The following EPHA6 variants were observed in gnomAD, a reference collection of about 807,000 sequenced individuals.
EPHA6 encodes ephrin type-A receptor 6.
Under a neutral mutation model 112.0 loss-of-function variants are expected in EPHA6, and 50 were observed. The ratio of observed to expected loss-of-function variants is 0.45; its 90% CI spans 0.36 to 0.56. EPHA6 has a LOEUF of 0.56. Ranked by LOEUF, EPHA6 falls within the 20% of genes least tolerant of loss-of-function variation. The pLI is 0.00. For missense variants in EPHA6, 1,280 were observed against 1,417.4 expected (o/e 0.90, Z 1.56); for synonymous variants, 529 against 490.7 (o/e 1.08, Z -1.03).
At chr3:97,588,572 A>G (rs1400289406) in intron 11 of EPHA6, among the ~76,000 whole-genome samples, 1 of 152,200 alleles carries the variant, frequency 6.6e-6, no homozygotes, top group Non-Finnish European at 1.5e-5. Flanking sequence ...AGGAGTTTGT[A>G]TATGTATGTG....
chr3:97,455,470 G>T (rs745847958), intron 7 of EPHA6, among the ~76,000 whole-genome samples: 1 of 152,018 alleles, frequency 6.6e-6, no homozygotes, highest in African/African-American at 2.4e-5. Context: ...CCAAAATTGA[G>T]TTCCCTTTCT....
intron 14 of EPHA6, among the ~76,000 whole-genome samples, chr3:97,711,157 T>C (rs1305955415): frequency 6.6e-6 from 1 of 152,150 alleles, no homozygotes; most frequent in Non-Finnish European, 1.5e-5. Context: ...TCACAAGATC[T>C]GATGGTTTTA....
intron 3 of EPHA6, among the ~76,000 whole-genome samples, chr3:97,076,113 C>G (rs772566218): frequency 1.3e-5 from 2 of 152,048 alleles, no homozygotes; most frequent in Non-Finnish European, 2.9e-5. Context: ...TGTCACATCT[C>G]TCACTTTAAA....
intron 3 of EPHA6, among the ~76,000 whole-genome samples, chr3:97,219,153 A>G (rs1398665177): frequency 6.6e-6 from 1 of 151,984 alleles, no homozygotes; most frequent in Non-Finnish European, 1.5e-5. Context: ...GCTGGCATTG[A>G]GTGTCTGTGG....
intron 3 of EPHA6, among the ~76,000 whole-genome samples, chr3:97,034,820 C>T (rs73131577): frequency 5.9e-5 from 9 of 152,000 alleles, no homozygotes; most frequent in South Asian, 2.1e-4. Flanking sequence ...ATAGAAATCA[C>T]GGGAGAGGTC....
chr3:97,147,287 T>G lies in EPHA6; in HGVS notation c.1115-78977T>G, dbSNP rs143227905. Among the ~76,000 whole-genome samples the G allele has an allele frequency of 8.7e-4, 133 of 152,242 alleles. 1 individual carries two copies. Among genetic ancestry groups the G allele is most frequent in the African/African-American group, 2.9e-3 (122 of 41,576 alleles). ...ACATCTAATTTTGTATAGTCATGAATGTCGGCCTTTGGAGGCCTTATGGTC... is the reference window on the plus strand; with the variant it reads ...ACATCTAATTTTGTATAGTCATGAAGGTCGGCCTTTGGAGGCCTTATGGTC... On this transcript the variant is annotated intron_variant, in intron 3 of 17. Coordinates refer to ENST00000389672, the MANE Select transcript of EPHA6 (RefSeq NM_001080448.3).
chr3:97,165,024 T>A (rs1461469751), intron 3 of EPHA6, among the ~76,000 whole-genome samples: 4 of 152,176 alleles, frequency 2.6e-5, no homozygotes, highest in Non-Finnish European at 5.9e-5. Context: ...GCTTAATATG[T>A]AAGACCCTCC....
intron 3 of EPHA6, among the ~76,000 whole-genome samples, chr3:97,207,611 G>A (rs1202926747): frequency 1.3e-5 from 2 of 152,026 alleles, no homozygotes; most frequent in African/African-American, 4.8e-5. Context: ...GGTTTGTTTT[G>A]CATAAAACAA....
chr3:97,614,307 G>A (rs528599113), intron 13 of EPHA6, among the ~76,000 whole-genome samples: 6 of 149,098 alleles, frequency 4.0e-5, no homozygotes, highest in Non-Finnish European at 8.9e-5. Context: ...GCAAGATGGT[G>A]TGTTCATGAG....
intron 2 of EPHA6, among the ~76,000 whole-genome samples, chr3:96,869,072 C>G (rs997803249): frequency 2.6e-5 from 4 of 151,988 alleles, no homozygotes; most frequent in Admixed American, 1.3e-4. Context: ...TTCTAAAACA[C>G]TTGCTTATCA....
chr3:97,098,615 A>T (rs989093617), intron 3 of EPHA6, among the ~76,000 whole-genome samples: 1 of 151,934 alleles, frequency 6.6e-6, no homozygotes, highest in African/African-American at 2.4e-5. Flanking sequence ...CTAACTTATG[A>T]TGAAAAAGTA....
chr3:96,971,004 C>T (rs998724167), intron 2 of EPHA6, among the ~76,000 whole-genome samples: 1 of 151,972 alleles, frequency 6.6e-6, no homozygotes, highest in African/African-American at 2.4e-5. Context: ...GAACATAAGA[C>T]AGGGTAATTA....
chr3:97,517,728 C>T (rs562321893), intron 10 of EPHA6, among the ~76,000 whole-genome samples: 15 of 152,136 alleles, frequency 9.9e-5, no homozygotes, highest in African/African-American at 2.6e-4. Context: ...ATACTTTGAT[C>T]AACACCTTCC....
intron 10 of EPHA6, among the ~76,000 whole-genome samples, chr3:97,501,423 A>C (rs1278397082): frequency 6.6e-6 from 1 of 152,086 alleles, no homozygotes; most frequent in Non-Finnish European, 1.5e-5. Flanking sequence ...GTCATAAAGA[A>C]ATTTGTAACA....
intron 6 of EPHA6, among the ~76,000 whole-genome samples, chr3:97,423,072 C>A (rs1577343921): frequency 6.6e-6 from 1 of 152,140 alleles, no homozygotes; most frequent in Non-Finnish European, 1.5e-5. Context: ...AAGCTGGAAG[C>A]CTTTCCCTTG....
intron 5 of EPHA6, among the ~76,000 whole-genome samples, chr3:97,390,541 A>G (rs1169517692): frequency 3.3e-5 from 5 of 151,826 alleles, no homozygotes; most frequent in African/African-American, 1.2e-4. Context: ...ATAATTATTC[A>G]TACACACACA....
At chr3:96,966,827 A>C (rs1023437414) in intron 2 of EPHA6, among the ~76,000 whole-genome samples, 1 of 152,012 alleles carries the variant, frequency 6.6e-6, no homozygotes, top group African/African-American at 2.4e-5. Flanking sequence ...TCATTTTTCT[A>C]TTAACTTATA....
chr3:97,256,117 C>T (rs943861679), intron 5 of EPHA6, among the ~76,000 whole-genome samples: 1 of 152,094 alleles, frequency 6.6e-6, no homozygotes, highest in African/African-American at 2.4e-5. Flanking sequence ...GATCCTCATT[C>T]TTCTACTGCA....
intron 7 of EPHA6, chr3:97,466,211 C>T (rs527442145): frequency 3.9e-5 from 31 of 788,210 alleles, no homozygotes; most frequent in African/African-American, 6.8e-5. Context: ...ATCCAGTTAC[C>T]GGGCAAACAG....
Sources: gnomAD v4.1 joint callset for allele counts (sites outside exome capture counted in the v4.1 genomes callset) on GRCh38, gnomAD v4.1.1 for gene constraint, MANE v1.5 for transcripts, NCBI Gene and HGNC (gene_info 2026-07-23, HGNC 2026-07-21) for gene names.